Variants in NDUFAF7 observed in about 807,000 individuals in gnomAD.
The protein encoded by NDUFAF7 is NADH:ubiquinone oxidoreductase complex assembly factor 7.
A neutral mutation model predicts 47.2 loss-of-function variants in NDUFAF7; 48 were observed. The observed-to-expected ratio is 1.02, with a 90% CI of 0.81 to 1.29. The LOEUF (loss-of-function observed/expected upper bound fraction) is 1.29. Ranked by LOEUF, NDUFAF7 falls within the 50% of genes most tolerant of loss-of-function variation. The pLI is 0.00. For synonymous variants in NDUFAF7, 217 were observed against 190.0 expected, an observed-to-expected ratio of 1.14 and a Z score of -1.17; for missense variants, 635 against 537.6, an observed-to-expected ratio of 1.18 and a Z score of -1.79.
intron 3 of NDUFAF7, among the ~76,000 whole-genome samples, chr2:37,236,397 G>T (rs548931176): frequency 1.3e-5 from 2 of 152,190 alleles, no homozygotes; most frequent in East Asian, 3.9e-4. Context: ...GAAGGGAAAT[G>T]GAGAGATAAG....
In NDUFAF7 at chr2:37,248,413, T is replaced by A; in HGVS notation, c.*63T>A. The A allele has an allele frequency of 7.0e-7, 1 of 1,434,638 alleles. No individual in the cohort carries two copies. Among genetic ancestry groups the A allele is most frequent in the Non-Finnish European group, 9.8e-7 (1 of 1,017,284 alleles). The allele number at this position is 1,434,638 out of a possible 1,614,324, so 88.9% of individuals were successfully genotyped here. On this transcript the variant is annotated 3_prime_UTR_variant, in exon 10 of 10. Coordinates refer to ENST00000002125, the MANE Select transcript of NDUFAF7 (RefSeq NM_144736.5). Reference sequence around the variant, plus strand: ...AGAAATCAAAATAAAGGAAACACATTTCATATACTGCAGGTAACAAAAGTC... The same window carrying A: ...AGAAATCAAAATAAAGGAAACACATATCATATACTGCAGGTAACAAAAGTC...
downstream of NDUFAF7, among the ~76,000 whole-genome samples, chr2:37,255,292 T>C (rs538839741): frequency 5.8e-5 from 8 of 138,250 alleles, no homozygotes; most frequent in South Asian, 1.4e-3. Flanking sequence ...ATCCTATGAT[T>C]AGGCCTAGTA....
chr2:37,243,486 C>A (rs147811522), intron 6 of NDUFAF7, among the ~76,000 whole-genome samples: 7 of 152,144 alleles, frequency 4.6e-5, no homozygotes, highest in Non-Finnish European at 7.4e-5. Context: ...TTCATTCTTT[C>A]TGTGAGGAGA....
intron 4 of NDUFAF7, among the ~76,000 whole-genome samples, chr2:37,240,504 AT>A (rs1241817392): frequency 6.6e-6 from 1 of 151,892 alleles, no homozygotes; most frequent in African/African-American, 2.4e-5. Flanking sequence ...GATTTAAAAA[AT>A]ATATAAAATA....
At chr2:37,253,069 T>G, downstream of NDUFAF7, 1 of 1,156,562 alleles carries the variant, frequency 8.6e-7, no homozygotes, top group Non-Finnish European at 1.2e-6. Flanking sequence ...TTATCATATT[T>G]CTTCATATCT....
chr2:37,243,258 C>T (rs1666539740), intron 6 of NDUFAF7, among the ~76,000 whole-genome samples: 1 of 152,144 alleles, frequency 6.6e-6, no homozygotes, highest in African/African-American at 2.4e-5. Flanking sequence ...CAAGACCAGC[C>T]TGGCCAACAT....
At chr2:37,235,623 CA>C (rs1184199309) in intron 2 of NDUFAF7, among the ~76,000 whole-genome samples, 3 of 148,080 alleles carry the variant, frequency 2.0e-5, no homozygotes, top group Non-Finnish European at 4.5e-5. Context: ...TGGGTAAAGA[CA>C]CCATATTTCC....
the NDUFAF7 span, among the ~76,000 whole-genome samples, chr2:37,266,292 C>G: frequency 6.6e-6 from 1 of 152,192 alleles, no homozygotes; most frequent in Non-Finnish European, 1.5e-5. Context: ...TCTTGAATTT[C>G]ACCCAAAGCA....
At chr2:37,233,229 T>A (rs1350541803) in intron 2 of NDUFAF7, among the ~76,000 whole-genome samples, 1 of 152,098 alleles carries the variant, frequency 6.6e-6, no homozygotes, top group Non-Finnish European at 1.5e-5. Flanking sequence ...GGACCAGGTT[T>A]GGAGGAGTAC....
chr2:37,250,899 T>C (rs1379269723), downstream of NDUFAF7: 1 of 152,660 alleles, frequency 6.6e-6, no homozygotes, highest in Non-Finnish European at 1.5e-5. Flanking sequence ...TTATACAGTA[T>C]CTGGAATAAT....
the NDUFAF7 span, chr2:37,260,338 G>T: frequency 6.2e-7 from 1 of 1,611,246 alleles, no homozygotes; most frequent in Non-Finnish European, 8.5e-7. Flanking sequence ...TCGTTCTGGG[G>T]TTTCAAACAT....
At chr2:37,233,817 C>T (rs1009205940) in intron 2 of NDUFAF7, among the ~76,000 whole-genome samples, 1 of 152,030 alleles carries the variant, frequency 6.6e-6, no homozygotes, top group Non-Finnish European at 1.5e-5. Context: ...CCTAGGGACC[C>T]TTTAATAGAA....
At chr2:37,232,313 C>T in intron 2 of NDUFAF7, 47 bp downstream of exon 2, 1 of 1,609,032 alleles carries the variant, frequency 6.2e-7, no homozygotes, top group Non-Finnish European at 8.5e-7. Flanking sequence ...AGCCGATTTG[C>T]GAGGTGCAAG....
chr2:37,261,710 G>A, the NDUFAF7 span, among the ~76,000 whole-genome samples: 1 of 152,176 alleles, frequency 6.6e-6, no homozygotes, highest in Non-Finnish European at 1.5e-5. Flanking sequence ...AACCTGGGAG[G>A]CAGAGGTTGC....
At chr2:37,244,957 A>G (rs1666752505) in intron 7 of NDUFAF7, among the ~76,000 whole-genome samples, 1 of 152,184 alleles carries the variant, frequency 6.6e-6, no homozygotes, top group Non-Finnish European at 1.5e-5. Flanking sequence ...CTTGAATGAG[A>G]TGCGTGGTAA....
chr2:37,232,144 G>T lies in NDUFAF7; in HGVS notation c.94G>T (p.Gly32Trp). ...FIWRGKYFSS[G>W]NEPAENPVTP... ...TTGGAGAGGGAAATACTTCAGCTCC[G>T]GGAATGAGCCTGCAGAAAACCCGGT... The change falls in exon 2 of 10, where the codon GGG becomes TGG. Residue 32 changes from glycine to tryptophan, a missense_variant. Gly to Trp is a radical substitution (Grantham distance 184). Transcript: ENST00000002125. The T allele has an allele frequency of 1.9e-6, 3 of 1,614,224 alleles. No homozygotes were observed. Among genetic ancestry groups the T allele is most frequent in the Non-Finnish European group, 1.7e-6 (2 of 1,180,042 alleles).
the NDUFAF7 span, among the ~76,000 whole-genome samples, chr2:37,265,767 A>G: frequency 1.3e-5 from 2 of 152,202 alleles, no homozygotes; most frequent in African/African-American, 2.4e-5. Context: ...ACATCCTACA[A>G]TCTATTCCCA....
chr2:37,257,572 A>G (rs11685805), downstream of NDUFAF7, among the ~76,000 whole-genome samples: 51,643 of 150,042 alleles, frequency 0.34, 9,615 homozygotes, highest in East Asian at 0.45. Context: ...AGGCTGAAGC[A>G]GGAGAATGGC....
downstream of NDUFAF7, among the ~76,000 whole-genome samples, chr2:37,255,693 T>C (rs548315287): frequency 1.4e-4 from 22 of 152,220 alleles, no homozygotes; most frequent in Non-Finnish European, 1.9e-4. Flanking sequence ...AAGTCAATTA[T>C]GAAAAGAATG....
Sources: allele counts gnomAD v4.1 joint callset (sites outside exome capture counted in the v4.1 genomes callset), GRCh38; gene constraint gnomAD v4.1.1; transcripts MANE v1.5; gene names NCBI Gene and HGNC (gene_info 2026-07-23, HGNC 2026-07-21).